The following CCDC85A variants were observed in gnomAD, a reference collection of about 807,000 sequenced individuals.
CCDC85A encodes the protein coiled-coil domain containing 85A.
CCDC85A carries 38 observed loss-of-function variants against 50.2 expected under a neutral mutation model. The observed-to-expected ratio is 0.76, with a 90% CI of 0.58 to 0.99. The LOEUF (loss-of-function observed/expected upper bound fraction) is 0.99, where lower values mean the gene tolerates loss of function less well. CCDC85A is among the 50% of genes least tolerant of loss of function. The pLI is 0.00. For missense variants in CCDC85A, 820 were observed against 742.0 expected, an observed-to-expected ratio of 1.11 and a Z score of -1.22; for synonymous variants, 366 against 301.4, an observed-to-expected ratio of 1.21 and a Z score of -2.22.
chr2:56,324,777 T>C (rs981475837), intron 2 of CCDC85A, among the ~76,000 whole-genome samples: 14 of 152,082 alleles, frequency 9.2e-5, no homozygotes, highest in Non-Finnish European at 2.1e-4. Context: ...TACTCCAAGG[T>C]AGTATTTTTA....
At chr2:56,190,509 A>T (rs1676249359) in intron 1 of CCDC85A, among the ~76,000 whole-genome samples, 1 of 152,216 alleles carries the variant, frequency 6.6e-6, no homozygotes, top group African/African-American at 2.4e-5. Context: ...ATTTCTTCTT[A>T]CAAATTGCAG....
intron 2 of CCDC85A, among the ~76,000 whole-genome samples, chr2:56,212,138 T>C (rs1182738456): frequency 6.6e-6 from 1 of 152,068 alleles, no homozygotes; most frequent in Non-Finnish European, 1.5e-5. Flanking sequence ...TTGCCAGCTA[T>C]GCTTGGCCAA....
chr2:56,295,842 G>A (rs962575411), intron 2 of CCDC85A, among the ~76,000 whole-genome samples: 3 of 152,214 alleles, frequency 2.0e-5, no homozygotes, highest in African/African-American at 7.2e-5. Context: ...GCAAAGGCCA[G>A]GTGAGAAGGT....
chr2:56,285,760 A>G (rs1162833101), intron 2 of CCDC85A, among the ~76,000 whole-genome samples: 1 of 151,768 alleles, frequency 6.6e-6, no homozygotes, highest in Non-Finnish European at 1.5e-5. Context: ...TTTTCTTTTA[A>G]TGAAGTTAAG....
At chr2:56,260,527 A>G (rs560937219) in intron 2 of CCDC85A, among the ~76,000 whole-genome samples, 1 of 152,152 alleles carries the variant, frequency 6.6e-6, no homozygotes, top group Non-Finnish European at 1.5e-5. Context: ...CTCTAATGTC[A>G]TGGTAGCTTT....
chr2:56,346,341 A>T (rs1291306842), intron 3 of CCDC85A, among the ~76,000 whole-genome samples: 1 of 152,182 alleles, frequency 6.6e-6, no homozygotes, highest in Non-Finnish European at 1.5e-5. Context: ...TTGTGGGCTC[A>T]GGGGTAAATA....
intron 2 of CCDC85A, among the ~76,000 whole-genome samples, chr2:56,226,321 C>A (rs1474061925): frequency 1.3e-5 from 2 of 152,132 alleles, no homozygotes; most frequent in Admixed American, 6.5e-5. Context: ...TTTTGCTTTG[C>A]TTACCATTGG....
chr2:56,337,106 C>T (rs1674112129), intron 2 of CCDC85A, among the ~76,000 whole-genome samples: 1 of 152,180 alleles, frequency 6.6e-6, no homozygotes, highest in Admixed American at 6.5e-5. Context: ...TAGAAAAGCT[C>T]TAAGGTACGT....
intron 2 of CCDC85A, among the ~76,000 whole-genome samples, chr2:56,212,066 TC>T (rs1349971996): frequency 6.6e-6 from 1 of 152,024 alleles, no homozygotes; most frequent in Non-Finnish European, 1.5e-5. Flanking sequence ...TACTCCCATA[TC>T]CTCTAACACA....
At chr2:56,230,945 T>C (rs1668748502) in intron 2 of CCDC85A, among the ~76,000 whole-genome samples, 1 of 152,178 alleles carries the variant, frequency 6.6e-6, no homozygotes, top group African/African-American at 2.4e-5. Context: ...TCTGCTTGGG[T>C]GCTTAAATGA....
intron 3 of CCDC85A, among the ~76,000 whole-genome samples, chr2:56,345,326 T>A (rs1674583146): frequency 6.6e-6 from 1 of 152,190 alleles, no homozygotes; most frequent in African/African-American, 2.4e-5. Flanking sequence ...GGTTATACCA[T>A]GCCAGATTCT....
At chr2:56,294,424 A>G (rs1482692460) in intron 2 of CCDC85A, among the ~76,000 whole-genome samples, 1 of 152,236 alleles carries the variant, frequency 6.6e-6, no homozygotes, top group African/African-American at 2.4e-5. Context: ...CGTCCTGCAC[A>G]TGTATACCAT....
intron 5 of CCDC85A, among the ~76,000 whole-genome samples, chr2:56,379,076 TAGGCCTCTA>T (rs1308196217): frequency 1.3e-5 from 2 of 152,218 alleles, no homozygotes; most frequent in African/African-American, 4.8e-5. Flanking sequence ...AGTGGAAACA[TAGGCCTCTA>T]AAATTGTTTA....
chr2:56,341,298 G>GT (rs926148874), intron 2 of CCDC85A, among the ~76,000 whole-genome samples: 5 of 152,178 alleles, frequency 3.3e-5, no homozygotes, highest in Admixed American at 1.3e-4. Context: ...ACAGTACCAG[G>GT]TTTTTTCTAT....
intron 3 of CCDC85A, among the ~76,000 whole-genome samples, chr2:56,359,320 A>C (rs1675409362): frequency 6.6e-6 from 1 of 152,144 alleles, no homozygotes; most frequent in African/African-American, 2.4e-5. Flanking sequence ...GGAGACCAGG[A>C]TGCTTGCATT....
intron 2 of CCDC85A, among the ~76,000 whole-genome samples, chr2:56,227,260 T>C (rs1411835141): frequency 6.6e-6 from 1 of 152,208 alleles, no homozygotes; most frequent in African/African-American, 2.4e-5. Flanking sequence ...GATATCCTGT[T>C]TCTATACCCT....
chr2:56,265,854 A>T (rs1670416186), intron 2 of CCDC85A, among the ~76,000 whole-genome samples: 2 of 152,194 alleles, frequency 1.3e-5, no homozygotes, highest in Admixed American at 1.3e-4. Context: ...CATATTTATT[A>T]TAGCACTATT....
chr2:56,326,616 C>T (rs528787040), intron 2 of CCDC85A, among the ~76,000 whole-genome samples: 1 of 152,042 alleles, frequency 6.6e-6, no homozygotes, highest in Non-Finnish European at 1.5e-5. Flanking sequence ...CCTGTGTTGG[C>T]TGGATTTAAG....
intron 2 of CCDC85A, among the ~76,000 whole-genome samples, chr2:56,253,207 T>C (rs951502229): frequency 1.3e-5 from 2 of 152,200 alleles, no homozygotes; most frequent in African/African-American, 4.8e-5. Context: ...TTCAAGTCCC[T>C]ACGCCCATCA....
Sources: allele counts gnomAD v4.1 joint callset (sites outside exome capture counted in the v4.1 genomes callset), GRCh38; gene constraint gnomAD v4.1.1; transcripts MANE v1.5; gene names NCBI Gene and HGNC (gene_info 2026-07-23, HGNC 2026-07-21).